The following TOP6BL variants were observed in gnomAD, a reference collection of about 807,000 sequenced individuals.
TOP6BL encodes type 2 DNA topoisomerase 6 subunit B-like.
At chr11:66,832,391 C>T in the TOP6BL span, among the ~76,000 whole-genome samples, 1 of 152,184 alleles carries the variant, frequency 6.6e-6, no homozygotes, top group African/African-American at 2.4e-5. Context: ...TGAGCCACCG[C>T]GCTATGGACA....
At chr11:66,762,046 T>C in the TOP6BL span, 2 of 1,399,876 alleles carry the variant, frequency 1.4e-6, no homozygotes, top group Non-Finnish European at 2.0e-6. Context: ...CCCCAGCAAC[T>C]TTCCGCACTA....
chr11:66,798,792 T>C, the TOP6BL span, among the ~76,000 whole-genome samples: 3 of 151,304 alleles, frequency 2.0e-5, no homozygotes, highest in African/African-American at 7.3e-5. Flanking sequence ...ATGTATTTTT[T>C]GGCCGGGCGT....
the TOP6BL span, among the ~76,000 whole-genome samples, chr11:66,764,869 G>A: frequency 2.0e-5 from 3 of 151,958 alleles, no homozygotes; most frequent in African/African-American, 7.3e-5. Flanking sequence ...CTAGGGGGCT[G>A]AGGCAGGAGA....
the TOP6BL span, among the ~76,000 whole-genome samples, chr11:66,783,155 G>C: frequency 6.6e-6 from 1 of 152,158 alleles, no homozygotes; most frequent in African/African-American, 2.4e-5. Flanking sequence ...AACATAGTGA[G>C]ACCCTGTATC....
the TOP6BL span, among the ~76,000 whole-genome samples, chr11:66,748,951 C>CA: frequency 6.7e-6 from 1 of 149,948 alleles, no homozygotes; most frequent in Non-Finnish European, 1.5e-5. Context: ...ATTTGGCTTT[C>CA]ATGCTTTTAT....
chr11:66,832,713 G>A, the TOP6BL span, among the ~76,000 whole-genome samples: 1 of 152,190 alleles, frequency 6.6e-6, no homozygotes, highest in South Asian at 2.1e-4. Context: ...GTTTCCCTCG[G>A]ACTTGGAAAG....
the TOP6BL span, among the ~76,000 whole-genome samples, chr11:66,759,968 G>A: frequency 6.6e-6 from 1 of 152,092 alleles, no homozygotes; most frequent in African/African-American, 2.4e-5. Flanking sequence ...AATGACCTTA[G>A]AACTCTTACG....
the TOP6BL span, chr11:66,796,443 G>T: frequency 9.4e-7 from 1 of 1,058,214 alleles, no homozygotes; most frequent in Non-Finnish European, 1.4e-6. Context: ...GTAGGACATG[G>T]ACAGATGTGA....
At chr11:66,842,258 A>G in the TOP6BL span, among the ~76,000 whole-genome samples, 1 of 152,194 alleles carries the variant, frequency 6.6e-6, no homozygotes, top group African/African-American at 2.4e-5. Flanking sequence ...CTTCACATCC[A>G]GAGGTGGTCG....
At chr11:66,834,132 C>T in the TOP6BL span, among the ~76,000 whole-genome samples, 5 of 152,198 alleles carry the variant, frequency 3.3e-5, no homozygotes, top group African/African-American at 1.2e-4. Flanking sequence ...CCGAGATTTT[C>T]ACTTTAATCT....
At chr11:66,782,478 C>A in the TOP6BL span, among the ~76,000 whole-genome samples, 1 of 152,156 alleles carries the variant, frequency 6.6e-6, no homozygotes, top group South Asian at 2.1e-4. Flanking sequence ...CAGTGCCCTG[C>A]CCTGCAGATT....
the TOP6BL span, among the ~76,000 whole-genome samples, chr11:66,807,352 A>G: frequency 6.6e-6 from 1 of 152,148 alleles, no homozygotes; most frequent in Non-Finnish European, 1.5e-5. Flanking sequence ...TGGATGGATC[A>G]CCTGAGGTCA....
chr11:66,803,816 A>C, the TOP6BL span, among the ~76,000 whole-genome samples: 1 of 152,200 alleles, frequency 6.6e-6, no homozygotes. Context: ...CAGTTTTTCT[A>C]CTACTTCCAT....
chr11:66,819,937 A>C, the TOP6BL span, among the ~76,000 whole-genome samples: 2 of 147,776 alleles, frequency 1.4e-5, no homozygotes, highest in East Asian at 4.0e-4. Flanking sequence ...TTGGCCAGGC[A>C]TGGTGGTGGT....
the TOP6BL span, among the ~76,000 whole-genome samples, chr11:66,828,982 T>G: frequency 1.1e-4 from 16 of 149,724 alleles, no homozygotes; most frequent in Admixed American, 1.3e-4. Flanking sequence ...TTTGTTTTTT[T>G]TTTTTTTGAG....
At chr11:66,757,655 C>T in the TOP6BL span, among the ~76,000 whole-genome samples, 4 of 152,104 alleles carry the variant, frequency 2.6e-5, no homozygotes, top group South Asian at 4.1e-4. Flanking sequence ...GGTGCAATCT[C>T]GGCTTACTGC....
the TOP6BL span, among the ~76,000 whole-genome samples, chr11:66,754,360 A>C: frequency 1.6e-3 from 245 of 151,884 alleles, no homozygotes; most frequent in Non-Finnish European, 2.4e-3. Flanking sequence ...CATAATTTTT[A>C]TCTCTTCTAC....
At chr11:66,843,326 T>C in the TOP6BL span, 1 of 1,508,256 alleles carries the variant, frequency 6.6e-7, no homozygotes, top group Non-Finnish European at 8.8e-7. Context: ...GCTCACCAAG[T>C]CCTCTTCCGC....
the TOP6BL span, among the ~76,000 whole-genome samples, chr11:66,764,419 C>T: frequency 6.7e-6 from 1 of 149,894 alleles, no homozygotes; most frequent in South Asian, 2.1e-4. Context: ...TTTGGGAGGC[C>T]TAGGCGGGCG....
Sources: gnomAD v4.1 joint callset for allele counts (sites outside exome capture counted in the v4.1 genomes callset) on GRCh38, gnomAD v4.1.1 for gene constraint, MANE v1.5 for transcripts, NCBI Gene and HGNC (gene_info 2026-07-23, HGNC 2026-07-21) for gene names.